Variants in CHCHD3 observed in about 807,000 individuals in gnomAD.
The protein encoded by CHCHD3 is coiled-coil-helix-coiled-coil-helix domain containing 3.
Under a neutral mutation model 38.2 loss-of-function variants are expected in CHCHD3, and 20 were observed. The ratio of observed to expected loss-of-function variants is 0.52; its 90% CI spans 0.37 to 0.76. The LOEUF (loss-of-function observed/expected upper bound fraction) is 0.76. Ranked by LOEUF, CHCHD3 falls within the 30% of genes least tolerant of loss-of-function variation. The pLI is 0.00. For missense variants in CHCHD3, 245 were observed against 279.2 expected (o/e 0.88, Z 0.87); for synonymous variants, 82 against 100.0 (o/e 0.82, Z 1.07).
chr7:133,034,659 C>T, intron 2 of CHCHD3: 1 of 1,612,918 alleles, frequency 6.2e-7, no homozygotes, highest in South Asian at 1.1e-5. Flanking sequence ...CTGGAAGGCC[C>T]CCTCCCAGGA....
At chr7:132,884,238 T>C (rs183446141) in intron 5 of CHCHD3, among the ~76,000 whole-genome samples, 51 of 152,248 alleles carry the variant, frequency 3.3e-4, no homozygotes, top group African/African-American at 1.2e-3. Flanking sequence ...CCTATTACCA[T>C]AGGCCTCTTC....
At chr7:132,994,001 G>A (rs28587813) in intron 3 of CHCHD3, among the ~76,000 whole-genome samples, 67,628 of 151,928 alleles carry the variant, frequency 0.45, 15,321 homozygotes, top group East Asian at 0.55. Flanking sequence ...ACATTAAAGG[G>A]TTACTTAAAG....
chr7:132,930,189 A>G (rs6951497), intron 4 of CHCHD3, among the ~76,000 whole-genome samples: 102,228 of 143,004 alleles, frequency 0.71, 36,604 homozygotes, highest in African/African-American at 0.75. Flanking sequence ...TTTTTGAGAC[A>G]GGAGTCTCGT....
chr7:132,820,089 T>C (rs1807306306), intron 6 of CHCHD3, among the ~76,000 whole-genome samples: 1 of 152,176 alleles, frequency 6.6e-6, no homozygotes, highest in Non-Finnish European at 1.5e-5. Context: ...ATCATTTGGA[T>C]CAGATTGATG....
chr7:132,865,400 G>T (rs962034793), intron 5 of CHCHD3, among the ~76,000 whole-genome samples: 8 of 152,150 alleles, frequency 5.3e-5, no homozygotes, highest in African/African-American at 1.9e-4. Flanking sequence ...TGGTGGTTGG[G>T]GGGAACACCA....
intron 1 of CHCHD3, among the ~76,000 whole-genome samples, chr7:133,077,188 A>C (rs1014715134): frequency 1.3e-5 from 2 of 152,206 alleles, no homozygotes; most frequent in African/African-American, 4.8e-5. Context: ...CTACCTTTAT[A>C]AAATCCTAGA....
intron 4 of CHCHD3, among the ~76,000 whole-genome samples, chr7:132,934,929 G>A (rs887115045): frequency 1.3e-4 from 20 of 152,160 alleles, no homozygotes; most frequent in Admixed American, 1.2e-3. Context: ...GATACAAGTG[G>A]AGAAATAATA....
intron 5 of CHCHD3, among the ~76,000 whole-genome samples, chr7:132,869,953 G>A (rs766363606): frequency 6.6e-6 from 1 of 152,026 alleles, no homozygotes; most frequent in Non-Finnish European, 1.5e-5. Context: ...GATTATATAA[G>A]CTTAATTGTA....
intron 6 of CHCHD3, among the ~76,000 whole-genome samples, chr7:132,816,611 C>T (rs1807206314): frequency 6.6e-6 from 1 of 152,162 alleles, no homozygotes; most frequent in African/African-American, 2.4e-5. Flanking sequence ...GCAGGGCTTC[C>T]CAGGCACCAT....
chr7:132,813,430 G>A (rs1259445886), intron 6 of CHCHD3: 1 of 152,184 alleles, frequency 6.6e-6, no homozygotes, highest in Non-Finnish European at 1.5e-5. Flanking sequence ...CTTACTTGCA[G>A]TGGAAGCTTG....
intron 3 of CHCHD3, among the ~76,000 whole-genome samples, chr7:133,014,671 T>TA (rs34497795): frequency 0.25 from 36,455 of 147,434 alleles, 4,691 homozygotes; most frequent in South Asian, 0.42. Context: ...TCTTCCATTT[T>TA]AAAAAAAAAA....
At chr7:133,008,072 A>C (rs1812749938) in intron 3 of CHCHD3, among the ~76,000 whole-genome samples, 1 of 152,184 alleles carries the variant, frequency 6.6e-6, no homozygotes, top group Non-Finnish European at 1.5e-5. Flanking sequence ...TTTCTTTCCT[A>C]ATGGAAAAAA....
intron 4 of CHCHD3, among the ~76,000 whole-genome samples, chr7:132,955,176 GTGTGT>G (rs1562920081): frequency 1.3e-4 from 18 of 139,422 alleles, no homozygotes; most frequent in African/African-American, 4.9e-4. Flanking sequence ...CTCAGAGGGT[GTGTGT>G]GTGTGTGTGT....
intron 4 of CHCHD3, among the ~76,000 whole-genome samples, chr7:132,894,400 C>G (rs142097869): frequency 4.6e-5 from 7 of 152,288 alleles, no homozygotes; most frequent in African/African-American, 1.7e-4. Context: ...TGCACTGACC[C>G]AGCCCTGCAC....
intron 4 of CHCHD3, among the ~76,000 whole-genome samples, chr7:132,903,935 G>A (rs1048000345): frequency 4.6e-5 from 7 of 152,104 alleles, no homozygotes; most frequent in Non-Finnish European, 1.0e-4. Flanking sequence ...CATGAGTGAC[G>A]TCTGATGCCA....
chr7:132,993,508 CTCTT>C (rs1157402047), intron 3 of CHCHD3, among the ~76,000 whole-genome samples: 2 of 152,220 alleles, frequency 1.3e-5, no homozygotes, highest in East Asian at 1.9e-4. Context: ...TCTCATTTGT[CTCTT>C]TCTCTCCGCC....
chr7:132,846,706 A>G (rs1241489313), intron 5 of CHCHD3, among the ~76,000 whole-genome samples: 1 of 152,228 alleles, frequency 6.6e-6, no homozygotes, highest in Non-Finnish European at 1.5e-5. Flanking sequence ...GACACCTGCA[A>G]TTCTAAACAG....
intron 3 of CHCHD3, among the ~76,000 whole-genome samples, chr7:132,993,670 A>C (rs1187398113): frequency 6.6e-6 from 1 of 152,226 alleles, no homozygotes; most frequent in Non-Finnish European, 1.5e-5. Flanking sequence ...GTATGCCAGC[A>C]GCTGATGAGT....
intron 5 of CHCHD3, among the ~76,000 whole-genome samples, chr7:132,874,946 G>A (rs1258218495): frequency 6.6e-6 from 1 of 152,096 alleles, no homozygotes; most frequent in Non-Finnish European, 1.5e-5. Flanking sequence ...TGGTGCAAAG[G>A]GCGGCAATCC....
Sources: gnomAD v4.1 joint callset for allele counts (sites outside exome capture counted in the v4.1 genomes callset) on GRCh38, gnomAD v4.1.1 for gene constraint, MANE v1.5 for transcripts, NCBI Gene and HGNC (gene_info 2026-07-23, HGNC 2026-07-21) for gene names.